The following ABCC9 variants were observed in gnomAD, a reference collection of about 807,000 sequenced individuals.
The protein encoded by ABCC9 is ATP-binding cassette sub-family C member 9.
In ABCC9, 95 loss-of-function variants were observed where a neutral mutation model predicts 188.3. That is an observed-to-expected ratio of 0.50 (90% confidence interval 0.43 to 0.60). The LOEUF (loss-of-function observed/expected upper bound fraction) is 0.60. ABCC9 is among the 20% of genes least tolerant of loss of function. The probability of loss-of-function intolerance (pLI) is 0.00; values close to 1 mark genes in which losing one functional copy is unlikely to be tolerated. For missense variants in ABCC9, 1,102 were observed against 1,876.3 expected, an observed-to-expected ratio of 0.59 and a Z score of 7.62; for synonymous variants, 659 against 652.7, an observed-to-expected ratio of 1.01 and a Z score of -0.15.
At chr12:21,816,407 T>C (rs1009635554) in intron 33 of ABCC9, among the ~76,000 whole-genome samples, 6 of 152,120 alleles carry the variant, frequency 3.9e-5, no homozygotes, top group Admixed American at 1.3e-4. Flanking sequence ...GGAGGCCCCA[T>C]GATGAAGGCA....
rs773377070 is a variant in ABCC9 at position 21,801,057 on chromosome 12, C to A, written c.4637G>T (p.Arg1546Leu). The A allele has an allele frequency of 1.2e-6, 2 of 1,613,840 alleles. No homozygotes were observed. Reference protein sequence around the residue: ...QENGVFASFVRADM With the variant: ...QENGVFASFVLADM ...TAAGACACTCCTTCACATGTCTGCG[C>A]GAACAAAAGAAGCAAATACTCCATT... Residue 1546 changes from arginine (R) to leucine (L), a missense_variant, in exon 40 of 40, where the codon CGC (arginine) becomes CTC (leucine). Arg to Leu is a moderately radical substitution (Grantham distance 102). Around this residue, in one of 12 missense-constraint regions of ABCC9, gnomAD observed 30 missense variants for 34.3 expected, o/e 0.87. Coordinates refer to ENST00000261200, the MANE Select transcript of ABCC9 (RefSeq NM_020297.4).
At chr12:21,884,581 T>C (rs1946782349) in intron 15 of ABCC9, among the ~76,000 whole-genome samples, 1 of 152,200 alleles carries the variant, frequency 6.6e-6, no homozygotes, top group Non-Finnish European at 1.5e-5. Flanking sequence ...TGTACTCAAA[T>C]AATCAGTAAT....
intron 33 of ABCC9, among the ~76,000 whole-genome samples, 173 bp from the exon 34 acceptor site, chr12:21,816,066 T>A (rs1245646328): frequency 3.2e-4 from 37 of 114,370 alleles, no homozygotes; most frequent in South Asian, 9.0e-4. Context: ...TTTTTTTTTT[T>A]TTTTTTTTTT....
At chr12:21,923,856 C>A in intron 5 of ABCC9, 2 of 699,506 alleles carry the variant, frequency 2.9e-6, no homozygotes, top group South Asian at 1.5e-5. Context: ...ATGGCTAAAA[C>A]CTGGAAATAG....
chr12:21,848,195 T>A lies in ABCC9; in HGVS notation c.2821A>T (p.Met941Leu), dbSNP rs1430520210. Residue 941 changes from methionine (M) to leucine (L), a missense_variant, in exon 25 of 40, where the codon ATG becomes TTG. Met to Leu is a conservative substitution (Grantham distance 15). Around this residue, in one of 12 missense-constraint regions of ABCC9, gnomAD observed 131 missense variants for 170.2 expected, o/e 0.77. Transcript: ENST00000261200. The part of the protein sequence containing the change: ...TLERKTLRRA[M>L]YSREAKAQME... Reference sequence around the variant, plus strand: ...TGGGCTTTGGCTTCTCTTGAATACATGGCCCGTCGGAGAGTTTTCCTCTCT... The same window carrying A: ...TGGGCTTTGGCTTCTCTTGAATACAAGGCCCGTCGGAGAGTTTTCCTCTCT... 1 of 1,613,662 alleles carries A rather than the reference T, an allele frequency of 6.2e-7. No individual in the cohort carries two copies. Among genetic ancestry groups the A allele is most frequent in the South Asian group, 1.1e-5 (1 of 91,082 alleles).
chr12:21,891,913 A>G (rs901662774), intron 14 of ABCC9, among the ~76,000 whole-genome samples: 1 of 152,176 alleles, frequency 6.6e-6, no homozygotes, highest in Non-Finnish European at 1.5e-5. Flanking sequence ...TCCAATCAAC[A>G]CTGGGAGAGC....
intron 25 of ABCC9, among the ~76,000 whole-genome samples, chr12:21,846,037 AT>A (rs1482037375): frequency 6.6e-6 from 1 of 152,226 alleles, no homozygotes. Flanking sequence ...GATAAAACAA[AT>A]GTAAAATCTA....
At chr12:21,808,222 G>C (rs12307113) in intron 37 of ABCC9, among the ~76,000 whole-genome samples, 3,456 of 151,972 alleles carry the variant, frequency 0.023, 149 homozygotes, top group African/African-American at 0.079. Context: ...TGTCATGATG[G>C]GAAAATAGGT....
chr12:21,886,081 T>C (rs969162960), intron 15 of ABCC9, among the ~76,000 whole-genome samples: 3 of 152,158 alleles, frequency 2.0e-5, no homozygotes, highest in African/African-American at 7.2e-5. Context: ...ATATTAATTT[T>C]TAAGAATTTC....
At chr12:21,807,243 A>T in intron 38 of ABCC9, 103 bp downstream of exon 38, 2 of 1,497,516 alleles carry the variant, frequency 1.3e-6, no homozygotes, top group Non-Finnish European at 1.8e-6. Flanking sequence ...TTCTCAAAAC[A>T]ATAGTACTGA....
chr12:21,926,348 G>T lies in ABCC9; in HGVS notation c.285-285C>A, dbSNP rs2138003200. ...TACTCCTATACTGTAGGGCAGAGCT[G>T]CTGAAATAATTTAAGAACTAAAGCA... On this transcript the variant is annotated intron_variant, in intron 4 of 39. Coordinates refer to ENST00000261200, the MANE Select transcript of ABCC9 (RefSeq NM_020297.4). Among the ~76,000 whole-genome samples, 5 of 152,290 alleles carry T rather than the reference G, an allele frequency of 3.3e-5. 1 individual carries two copies. In the South Asian group the frequency reaches 1.0e-3, roughly 32 times the overall value.
intron 8 of ABCC9, among the ~76,000 whole-genome samples, chr12:21,911,642 G>GTACAT (rs1245441729): frequency 6.6e-6 from 1 of 151,950 alleles, no homozygotes; most frequent in Non-Finnish European, 1.5e-5. Context: ...ATTTGACTAA[G>GTACAT]TACATTACAT....
intron 31 of ABCC9, chr12:21,826,998 G>T (rs918995474): frequency 7.6e-6 from 3 of 393,572 alleles, no homozygotes; most frequent in Non-Finnish European, 1.0e-5. Flanking sequence ...GTAACCAAAT[G>T]AATGGCCTGT....
At chr12:21,809,201 C>G (rs1942061627) in intron 37 of ABCC9, among the ~76,000 whole-genome samples, 1 of 152,074 alleles carries the variant, frequency 6.6e-6, no homozygotes, top group African/African-American at 2.4e-5. Flanking sequence ...TATGAACTCT[C>G]TGTGGTTTCA....
chr12:21,845,194 T>C (rs1228630188), intron 26 of ABCC9, among the ~76,000 whole-genome samples: 8 of 152,100 alleles, frequency 5.3e-5, no homozygotes, highest in African/African-American at 1.9e-4. Context: ...ATTCTTGGCT[T>C]TCTATGTTGT....
chr12:21,903,564 T>TGG (rs1947879294), intron 12 of ABCC9, among the ~76,000 whole-genome samples: 3 of 152,218 alleles, frequency 2.0e-5, no homozygotes, highest in Admixed American at 6.5e-5. Flanking sequence ...CTTCAGCTGA[T>TGG]AAGCAACTTC....
rs752547896 is a variant in ABCC9, at chr12:21,925,928, G to C, written c.406+14C>G. 4.4e-6 allele frequency: 7 copies of C among 1,605,492 alleles called. No homozygotes were observed. The South Asian group carries it at 7.7e-5, about 18-fold the overall frequency. On this transcript the variant is annotated intron_variant, in intron 5 of 39. Coordinates refer to ENST00000261200, the MANE Select transcript of ABCC9 (RefSeq NM_020297.4). ...ATCTCTTTAAGGAGAAACAACAAAA[G>C]TGATCATACTTACCTAAAAGTAATT...
intron 31 of ABCC9, among the ~76,000 whole-genome samples, chr12:21,819,313 G>T (rs191166153): frequency 1.0e-3 from 153 of 152,054 alleles, no homozygotes; most frequent in African/African-American, 3.7e-3. Flanking sequence ...TTTGTCTCTG[G>T]TGCCTCAAAA....
intron 5 of ABCC9, among the ~76,000 whole-genome samples, chr12:21,922,541 A>G (rs1948866554): frequency 6.6e-6 from 1 of 151,926 alleles, no homozygotes; most frequent in Non-Finnish European, 1.5e-5. Context: ...CAATAAAAGG[A>G]AAGCAAAGAA....
Sources: allele counts gnomAD v4.1 joint callset (sites outside exome capture counted in the v4.1 genomes callset), GRCh38; gene constraint gnomAD v4.1.1; regional missense constraint gnomAD v4.1.1; transcripts MANE v1.5; gene names NCBI Gene and HGNC (gene_info 2026-07-23, HGNC 2026-07-21).